The following NUP210L variants were observed in gnomAD, a reference collection of about 807,000 sequenced individuals.
The protein encoded by NUP210L is nucleoporin 210 like.
In NUP210L, 74 loss-of-function variants were observed where a neutral mutation model predicts 208.5. The ratio of observed to expected loss-of-function variants is 0.35; its 90% CI spans 0.29 to 0.43. NUP210L has a LOEUF of 0.43. Among genes scored for constraint, NUP210L ranks in the 20% least tolerant of loss-of-function variants. The pLI, the probability that NUP210L is intolerant of heterozygous loss-of-function variation, is 1.00. For synonymous variants in NUP210L, 780 were observed against 816.9 expected (o/e 0.95, Z 0.77); for missense variants, 1,843 against 2,289.4 (o/e 0.81, Z 3.98).
intron 2 of NUP210L, among the ~76,000 whole-genome samples, chr1:154,146,511 G>T (rs1185506567): frequency 6.6e-6 from 1 of 151,634 alleles, no homozygotes; most frequent in African/African-American, 2.4e-5. Context: ...ACCCATCTAT[G>T]GTTCCAGCTA....
At chr1:154,142,980 G>A (rs1368731303) in intron 3 of NUP210L, among the ~76,000 whole-genome samples, 1 of 151,738 alleles carries the variant, frequency 6.6e-6, no homozygotes, top group Non-Finnish European at 1.5e-5. Flanking sequence ...CCTGAGGTCA[G>A]GAGTTCAAGA....
chr1:154,071,301 T>C (rs1654714207), intron 16 of NUP210L, among the ~76,000 whole-genome samples: 1 of 151,884 alleles, frequency 6.6e-6, no homozygotes, highest in African/African-American at 2.4e-5. Context: ...TTTTTAAATT[T>C]TTTTATGTCC....
intron 27 of NUP210L, among the ~76,000 whole-genome samples, chr1:154,045,602 G>A (rs2147970381): frequency 6.6e-6 from 1 of 152,264 alleles, no homozygotes; most frequent in South Asian, 2.1e-4. Context: ...TGCTTTGCAG[G>A]TTTCCAGAGT....
At chr1:154,027,939 C>G (rs1651992609) in intron 28 of NUP210L, among the ~76,000 whole-genome samples, 1 of 152,106 alleles carries the variant, frequency 6.6e-6, no homozygotes, top group Non-Finnish European at 1.5e-5. Flanking sequence ...CTAATTTTGG[C>G]TCTGGTAAAA....
intron 18 of NUP210L, 142 bp from the exon 19 acceptor site, chr1:154,061,188 G>A: frequency 1.7e-6 from 1 of 572,894 alleles, no homozygotes; most frequent in South Asian, 2.1e-5. Context: ...GACCAGCTTG[G>A]CTAACATGGT....
chr1:154,042,390 G>A (rs537406782), intron 27 of NUP210L, among the ~76,000 whole-genome samples: 6 of 145,932 alleles, frequency 4.1e-5, no homozygotes, highest in East Asian at 4.2e-4. Context: ...GCTGTGAGCC[G>A]CCGCACCCAG....
At chr1:154,134,734 C>CAAAAAAAA (rs67813355) in intron 7 of NUP210L, among the ~76,000 whole-genome samples, 1 of 67,320 alleles carries the variant, frequency 1.5e-5, no homozygotes, top group African/African-American at 6.4e-5. Flanking sequence ...GACTCCGTCT[C>CAAAAAAAA]AAAAAAAAAA....
chr1:154,068,878 T>C (rs1478187652), intron 17 of NUP210L, among the ~76,000 whole-genome samples: 1 of 151,838 alleles, frequency 6.6e-6, no homozygotes, highest in Non-Finnish European at 1.5e-5. Context: ...TAATGCCAAA[T>C]GACGAGTTAA....
intron 13 of NUP210L, among the ~76,000 whole-genome samples, chr1:154,100,519 T>G (rs1442881607): frequency 2.1e-5 from 3 of 140,508 alleles, no homozygotes; most frequent in South Asian, 2.4e-4. Context: ...GGCTTTGTTT[T>G]TTTTTTTTTT....
At chr1:153,999,449 T>G (rs553010199) in intron 37 of NUP210L, among the ~76,000 whole-genome samples, 94 of 152,254 alleles carry the variant, frequency 6.2e-4, no homozygotes, top group African/African-American at 2.2e-3. Flanking sequence ...CATTTATCAA[T>G]AAGATTGGCC....
At chr1:153,994,670 T>A (rs1470205026) in intron 38 of NUP210L, among the ~76,000 whole-genome samples, 2 of 152,052 alleles carry the variant, frequency 1.3e-5, no homozygotes, top group Non-Finnish European at 1.5e-5. Flanking sequence ...TTACACTGTT[T>A]GTTAAAATTA....
chr1:154,150,678 A>C (rs1659335356), intron 2 of NUP210L, among the ~76,000 whole-genome samples: 1 of 118,994 alleles, frequency 8.4e-6, no homozygotes, highest in Non-Finnish European at 2.0e-5. Context: ...CAGCGAGCCA[A>C]GATCGCGCCA....
At chr1:154,092,736 G>GT (rs142642283) in intron 15 of NUP210L, among the ~76,000 whole-genome samples, 10,314 of 149,898 alleles carry the variant, frequency 0.069, 502 homozygotes, top group East Asian at 0.2. Flanking sequence ...TTGTTTGTTT[G>GT]TTTTTTGAGA....
intron 16 of NUP210L, among the ~76,000 whole-genome samples, chr1:154,077,098 G>A (rs1252304549): frequency 6.6e-6 from 1 of 152,138 alleles, no homozygotes; most frequent in African/African-American, 2.4e-5. Context: ...AAAAGGGCCA[G>A]GTGCAGTGGC....
At chr1:154,101,306 T>C (rs1656462331) in intron 13 of NUP210L, among the ~76,000 whole-genome samples, 1 of 151,534 alleles carries the variant, frequency 6.6e-6, no homozygotes. Flanking sequence ...TGAAACCCCG[T>C]CTCTACTAAA....
intron 23 of NUP210L, among the ~76,000 whole-genome samples, chr1:154,055,509 C>T (rs1653815994): frequency 1.3e-5 from 2 of 152,102 alleles, no homozygotes; most frequent in Admixed American, 1.3e-4. Flanking sequence ...CCTCAGCCTC[C>T]CAAAGTGCTG....
In NUP210L at chr1:154,136,074, A is replaced by G. The variant is rs537919976; in HGVS notation, c.851-102T>C. The G allele has an allele frequency of 6.2e-6, 5 of 803,028 alleles. No homozygotes were observed. The South Asian group carries it at 6.4e-5, about 10-fold the overall frequency. The allele number at this position is 803,028 out of a possible 1,614,324, so 49.7% of individuals were successfully genotyped here. On this transcript the variant is annotated intron_variant, in intron 6 of 39. Transcript: ENST00000368559. ...GGAATGATCAGGAAGCAGACATAAA[A>G]TAAGAGTATGATCTGCTTCTAATGT... is the stretch of plus-strand genomic sequence containing the variant.
chr1:154,054,921 GA>G, intron 23 of NUP210L, 89 bp from the exon 24 acceptor site: 2 of 799,974 alleles, frequency 2.5e-6, no homozygotes, highest in Non-Finnish European at 4.2e-6. Context: ...TTTTTTTTTA[GA>G]CAGAGTCTTG....
chr1:154,058,534 T>C (rs779660956), intron 21 of NUP210L, 31 bp downstream of exon 21: 1 of 1,605,928 alleles, frequency 6.2e-7, no homozygotes, highest in South Asian at 1.1e-5. Context: ...AAGTCTTGCT[T>C]AATTTCTGAG....
Sources: gnomAD v4.1 joint callset for allele counts (sites outside exome capture counted in the v4.1 genomes callset) on GRCh38, gnomAD v4.1.1 for gene constraint, MANE v1.5 for transcripts, NCBI Gene and HGNC (gene_info 2026-07-23, HGNC 2026-07-21) for gene names.